The following STEAP1B variants were observed in gnomAD, a reference collection of about 807,000 sequenced individuals.
The protein encoded by STEAP1B is STEAP family protein MGC87042.
Under a neutral mutation model 27.9 loss-of-function variants are expected in STEAP1B, and 13 were observed. That is an observed-to-expected ratio of 0.47 (90% CI 0.30 to 0.74). The LOEUF (loss-of-function observed/expected upper bound fraction) is 0.74, where lower values mean the gene tolerates loss of function less well. STEAP1B is among the 30% of genes least tolerant of loss of function. The pLI is 0.06. For missense variants in STEAP1B, 250 were observed against 298.7 expected, an observed-to-expected ratio of 0.84 and a Z score of 1.20; for synonymous variants, 86 against 107.1, an observed-to-expected ratio of 0.80 and a Z score of 1.22.
rs1326660960 is a variant in STEAP1B, at chr7:22,492,596, G to T, written c.731C>A (p.Ser244Tyr). The change falls in exon 4 of 5, where the codon TCT becomes TAT. Residue 244 changes from serine to tyrosine, a missense_variant. Ser to Tyr is a moderately radical substitution (Grantham distance 144). Coordinates refer to ENST00000678116, the MANE Select transcript of STEAP1B (RefSeq NM_001382447.1). ...AVTSIPSVSDSLTWREFHYIQ... is the reference protein window; with the variant it reads ...AVTSIPSVSDYLTWREFHYIQ... ...ATAGTGAAATTCTCTCCATGTCAAA[G>T]AGTCACTCACAGATGGAATAGATGT... 4.4e-6 allele frequency: 7 copies of T among 1,608,292 alleles called. No homozygotes were observed. The highest frequency in any genetic ancestry group is 1.3e-5 in the African/African-American group (1 of 74,494).
intron 4 of STEAP1B, among the ~76,000 whole-genome samples, chr7:22,443,482 C>T (rs1237396083): frequency 6.6e-6 from 1 of 152,170 alleles, no homozygotes; most frequent in African/African-American, 2.4e-5. Context: ...AAATGAAAGA[C>T]CATGGGTAGT....
At chr7:22,464,947 C>CTATATATA (rs1785747651) in intron 4 of STEAP1B, among the ~76,000 whole-genome samples, 2 of 2,298 alleles carry the variant, frequency 8.7e-4, no homozygotes, top group Non-Finnish European at 3.6e-3. Flanking sequence ...GTACCAAACC[C>CTATATATA]CATATATATA....
chr7:22,486,476 C>T (rs906103374), intron 4 of STEAP1B, among the ~76,000 whole-genome samples: 4 of 152,114 alleles, frequency 2.6e-5, no homozygotes, highest in African/African-American at 9.7e-5. Flanking sequence ...GGCTTTGTCG[C>T]CTTAAACTTC....
chr7:22,456,975 T>A (rs1019503040), intron 4 of STEAP1B, among the ~76,000 whole-genome samples: 20,562 of 83,426 alleles, frequency 0.25, 4,875 homozygotes, highest in Non-Finnish European at 0.33. Flanking sequence ...TATATATATT[T>A]TTTTTTTTTT....
chr7:22,489,119 A>C (rs949772964), intron 4 of STEAP1B, among the ~76,000 whole-genome samples: 1 of 151,926 alleles, frequency 6.6e-6, no homozygotes, highest in Non-Finnish European at 1.5e-5. Flanking sequence ...CTCGCCATAG[A>C]GGCAGCATCG....
At chr7:22,452,715 G>A (rs1004944887) in intron 4 of STEAP1B, among the ~76,000 whole-genome samples, 1 of 152,150 alleles carries the variant, frequency 6.6e-6, no homozygotes, top group Non-Finnish European at 1.5e-5. Context: ...AGAGTAAGCA[G>A]GAACTACATG....
intron 4 of STEAP1B, among the ~76,000 whole-genome samples, chr7:22,478,148 C>T (rs1426764324): frequency 6.6e-6 from 1 of 152,180 alleles, no homozygotes; most frequent in Non-Finnish European, 1.5e-5. Context: ...ACTGGTGAGA[C>T]CTGAGCCTGG....
intron 4 of STEAP1B, among the ~76,000 whole-genome samples, chr7:22,449,171 T>C (rs887231833): frequency 6.6e-6 from 1 of 152,244 alleles, no homozygotes; most frequent in Admixed American, 6.5e-5. Flanking sequence ...ATTTTTTAAA[T>C]GTATGATTAA....
At chr7:22,478,087 A>G (rs1786004468) in intron 4 of STEAP1B, among the ~76,000 whole-genome samples, 1 of 152,196 alleles carries the variant, frequency 6.6e-6, no homozygotes. Flanking sequence ...GTGGGCGCTC[A>G]GGGGAAGTTG....
chr7:22,456,952 C>CCA lies in STEAP1B; in HGVS notation c.762+35612_762+35613insTG, dbSNP rs1478025290. On this transcript the variant is annotated intron_variant, in intron 4 of 4. Coordinates refer to ENST00000678116, the MANE Select transcript of STEAP1B (RefSeq NM_001382447.1). ...TTCAGAATGGGGGTGGGATAGGCAG[C>CCA]TATATATATATATATATATATTTTT... Among the ~76,000 whole-genome samples the CCA allele has an allele frequency of 9.0e-4, 66 of 73,016 alleles. No individual in the cohort carries two copies. In the East Asian group the frequency reaches 0.017, roughly 18 times the overall value. 47.9% of individuals were successfully genotyped at this position (73,016 alleles called of 152,430 possible). A position where few individuals can be genotyped will look rare whatever the true frequency, so the allele number is the denominator to read the frequency against.
Position 22,494,757 on chromosome 7 carries a change from T to C in STEAP1B, c.84+15A>G, listed in dbSNP as rs1215204237. The C allele has an allele frequency of 7.1e-7, 1 of 1,402,154 alleles. No individual in the cohort carries two copies. The highest frequency in any genetic ancestry group is 9.9e-7 in the Non-Finnish European group (1 of 1,009,518). The allele number at this position is 1,402,154 out of a possible 1,614,324, so 86.9% of individuals were successfully genotyped here. On this transcript the variant is annotated intron_variant, in intron 2 of 4. Transcript: ENST00000678116. ...TGTAAATTATTATTTATTATTGTCA[T>C]TATTAATATTTTACCAAATAATCGT...
chr7:22,486,993 T>C (rs1486182410), intron 4 of STEAP1B, among the ~76,000 whole-genome samples: 1 of 152,188 alleles, frequency 6.6e-6, no homozygotes, highest in Non-Finnish European at 1.5e-5. Flanking sequence ...CTATAAATGT[T>C]AAGAGACATC....
chr7:22,420,569 A>G (rs1485146597), intron 4 of STEAP1B, among the ~76,000 whole-genome samples: 1 of 152,236 alleles, frequency 6.6e-6, no homozygotes, highest in African/African-American at 2.4e-5. Context: ...GTTCTTCCAG[A>G]GAGCTGGTTA....
At chr7:22,466,620 C>G (rs1033868542) in intron 4 of STEAP1B, among the ~76,000 whole-genome samples, 1 of 152,136 alleles carries the variant, frequency 6.6e-6, no homozygotes, top group African/African-American at 2.4e-5. Flanking sequence ...CCCAGTCTGG[C>G]ATTTTGCTTT....
chr7:22,430,488 A>G (rs564652404), intron 4 of STEAP1B, among the ~76,000 whole-genome samples: 1 of 152,388 alleles, frequency 6.6e-6, no homozygotes, highest in South Asian at 2.1e-4. Context: ...AATATCTTGT[A>G]TCATTGGACC....
At chr7:22,471,457 G>A (rs1785882318) in intron 4 of STEAP1B, among the ~76,000 whole-genome samples, 1 of 152,184 alleles carries the variant, frequency 6.6e-6, no homozygotes, top group South Asian at 2.1e-4. Flanking sequence ...ACATTTCATA[G>A]CGCTGCCTAC....
At chr7:22,479,528 C>T (rs1786030451) in intron 4 of STEAP1B, among the ~76,000 whole-genome samples, 1 of 152,130 alleles carries the variant, frequency 6.6e-6, no homozygotes, top group Non-Finnish European at 1.5e-5. Flanking sequence ...AAACAACTTG[C>T]TGGCTGGCCA....
intron 4 of STEAP1B, among the ~76,000 whole-genome samples, chr7:22,488,157 C>T (rs1015840494): frequency 2.0e-5 from 3 of 152,208 alleles, no homozygotes; most frequent in African/African-American, 7.2e-5. Flanking sequence ...TGGCCCTTGA[C>T]TCCACCCCCT....
chr7:22,475,337 C>T (rs141894774), intron 4 of STEAP1B, among the ~76,000 whole-genome samples: 2 of 152,160 alleles, frequency 1.3e-5, no homozygotes, highest in Admixed American at 1.3e-4. Flanking sequence ...TAGGCAATGC[C>T]GTGTCCCTGC....
Sources: gnomAD v4.1 joint callset for allele counts (sites outside exome capture counted in the v4.1 genomes callset) on GRCh38, gnomAD v4.1.1 for gene constraint, MANE v1.5 for transcripts, NCBI Gene and HGNC (gene_info 2026-07-23, HGNC 2026-07-21) for gene names.